The following SH2D1A variants were observed in gnomAD, a reference collection of about 807,000 sequenced individuals.
SH2D1A encodes SH2 domain-containing protein 1A.
A neutral mutation model predicts 10.1 loss-of-function variants in SH2D1A; 6 were observed. The observed-to-expected ratio is 0.60, with a 90% CI of 0.33 to 1.18. The LOEUF (loss-of-function observed/expected upper bound fraction) is 1.18, where lower values mean the gene tolerates loss of function less well. SH2D1A is among the 50% of genes most tolerant of loss of function. SH2D1A has a pLI of 0.04. For missense variants in SH2D1A, 51 were observed against 97.6 expected (o/e 0.52, Z 2.01); for synonymous variants, 42 against 36.9 (o/e 1.14, Z -0.51).
rs781411971 is a variant in SH2D1A at position 124,358,973 on chromosome X, T to C, written c.138-6788T>C. Among the ~76,000 whole-genome samples the C allele has an allele frequency of 4.5e-5, 5 of 111,571 alleles. No individual in the cohort carries two copies. In the East Asian group the frequency reaches 1.1e-3, roughly 25 times the overall value. On this transcript the variant is annotated intron_variant, in intron 1 of 3. Transcript: ENST00000371139. ...CTTGTATGACATATTATAGTAAGAG[T>C]TGACTACAGGGGATCCTTGGTCAGT... is the stretch of plus-strand genomic sequence containing the variant.
intron 2 of SH2D1A, among the ~76,000 whole-genome samples, 165 bp downstream of exon 2, chrX:124,365,989 A>G (rs182120726): frequency 3.0e-4 from 34 of 111,737 alleles, no homozygotes; most frequent in Non-Finnish European, 4.0e-4. Context: ...GCTTTAGAGA[A>G]TTTTGGTCCC....
At chrX:124,359,646 T>C (rs1161182894) in intron 1 of SH2D1A, among the ~76,000 whole-genome samples, 1 of 111,863 alleles carries the variant, frequency 8.9e-6, no homozygotes, top group Non-Finnish European at 1.9e-5. Context: ...AGATTTCAAG[T>C]GTTTAAAAAG....
In SH2D1A at chrX:124,372,325, T is replaced by A. The variant is rs2060071583; in HGVS notation, c.*934T>A. 1 of 170,894 alleles carries A rather than the reference T, an allele frequency of 5.9e-6. No homozygotes were observed. Among genetic ancestry groups the A allele is most frequent in the Admixed American group, 7.9e-5 (1 of 12,700 alleles). The allele number at this position is 170,894 out of a possible 1,213,427, so 14.1% of individuals were successfully genotyped here. On this transcript the variant is annotated 3_prime_UTR_variant, in exon 4 of 4. Transcript: ENST00000371139. ...ATGCGGCATTTTCTTCTCACATTTA[T>A]ATTTTTGTGATTTTGTGATTGATTA...
chrX:124,360,117 G>C (rs2147527738), intron 1 of SH2D1A, among the ~76,000 whole-genome samples: 1 of 110,886 alleles, frequency 9.0e-6, no homozygotes, highest in East Asian at 2.9e-4. Flanking sequence ...TGTTGGCCAG[G>C]CTAGTCTCGA....
intron 1 of SH2D1A, among the ~76,000 whole-genome samples, chrX:124,358,844 G>C (rs2060032516): frequency 8.9e-6 from 1 of 111,773 alleles, no homozygotes; most frequent in South Asian, 3.8e-4. Context: ...GATTTAACAG[G>C]TCTGGGTGGG....
intron 1 of SH2D1A, among the ~76,000 whole-genome samples, chrX:124,362,209 C>T (rs2060041677): frequency 8.9e-6 from 1 of 111,963 alleles, no homozygotes; most frequent in African/African-American, 3.2e-5. Flanking sequence ...AGTGCACAGG[C>T]CTGGAGGGTA....
Position 124,346,696 on chromosome X carries a change from G to T in SH2D1A, c.54G>T (p.Lys18Asn). The change falls in exon 1 of 4, where the codon AAG becomes AAT. Residue 18 changes from lysine to asparagine, a missense_variant. Coordinates refer to ENST00000371139, the MANE Select transcript of SH2D1A (RefSeq NM_002351.5). ...HGKISRETGE[K>N]LLLATGLDGS... is the part of the protein sequence containing the mutation. The stretch of plus-strand genomic sequence containing the variant: ...AAATCAGCAGGGAAACCGGCGAGAA[G>T]CTCCTGCTTGCCACTGGGCTGGATG... The T allele has an allele frequency of 8.3e-7, 1 of 1,211,668 alleles. No homozygotes were observed. Among genetic ancestry groups the T allele is most frequent in the Non-Finnish European group, 1.1e-6 (1 of 895,230 alleles).
chrX:124,361,746 T>C (rs895987347), intron 1 of SH2D1A, among the ~76,000 whole-genome samples: 1 of 112,031 alleles, frequency 8.9e-6, no homozygotes, highest in Non-Finnish European at 1.9e-5. Context: ...AGTAAAAAAA[T>C]TGACTTTTTA....
At chrX:124,370,698 CTTAGT>C (rs2060067264) in intron 3 of SH2D1A, among the ~76,000 whole-genome samples, 1 of 111,993 alleles carries the variant, frequency 8.9e-6, no homozygotes, top group African/African-American at 3.2e-5. Context: ...TTTATCTTTG[CTTAGT>C]AAACTGTTTT....
Position 124,372,961 on chromosome X carries a change from T to G in SH2D1A, c.*1570T>G. ...AATAAGTTGCATAGGTTTAATAATTTTTAATTATATGGCTTGAGTTTAAAT... is the reference window on the plus strand; with the variant it reads ...AATAAGTTGCATAGGTTTAATAATTGTTAATTATATGGCTTGAGTTTAAAT... On this transcript the variant is annotated 3_prime_UTR_variant, in exon 4 of 4. Coordinates refer to ENST00000371139, the MANE Select transcript of SH2D1A (RefSeq NM_002351.5). 6.4e-6 allele frequency: 1 copy of G among 157,337 alleles called. No individual in the cohort carries two copies. The highest frequency in any genetic ancestry group is 9.8e-5 in the East Asian group (1 of 10,169). The allele number at this position is 157,337 out of a possible 1,213,427, so 13.0% of individuals were successfully genotyped here.
intron 1 of SH2D1A, among the ~76,000 whole-genome samples, chrX:124,356,197 T>G (rs2060026084): frequency 1.8e-5 from 2 of 110,077 alleles, no homozygotes; most frequent in Admixed American, 9.7e-5. Flanking sequence ...AATGATCGTT[T>G]CCAGCTTCAT....
intron 1 of SH2D1A, among the ~76,000 whole-genome samples, chrX:124,350,831 G>T (rs2060011637): frequency 1.3e-4 from 1 of 7,913 alleles, no homozygotes; most frequent in Non-Finnish European, 1.7e-4. Flanking sequence ...ATTATATATT[G>T]TATATAAGAT....
chrX:124,367,285 A>G (rs1260845091), intron 2 of SH2D1A, among the ~76,000 whole-genome samples: 2 of 112,333 alleles, frequency 1.8e-5, no homozygotes, highest in African/African-American at 3.2e-5. Flanking sequence ...ATTTTTTTCT[A>G]TCTACTAAAT....
chrX:124,368,047 C>G, intron 2 of SH2D1A, among the ~76,000 whole-genome samples: 1 of 111,808 alleles, frequency 8.9e-6, no homozygotes, highest in East Asian at 2.8e-4. Context: ...ATCAGATCCC[C>G]AATTCAAATA....
chrX:124,354,293 G>A (rs1241952672), intron 1 of SH2D1A, among the ~76,000 whole-genome samples: 2 of 111,202 alleles, frequency 1.8e-5, no homozygotes, highest in Non-Finnish European at 3.8e-5. Flanking sequence ...CTTAAGCAAA[G>A]GGGGAGTCTG....
chrX:124,368,504 C>T (rs1005527179), intron 2 of SH2D1A, among the ~76,000 whole-genome samples: 1 of 112,089 alleles, frequency 8.9e-6, no homozygotes, highest in African/African-American at 3.2e-5. Flanking sequence ...GGTTTGAAAT[C>T]TTTCCACACT....
intron 1 of SH2D1A, among the ~76,000 whole-genome samples, chrX:124,361,970 T>C (rs1223912198): frequency 9.0e-6 from 1 of 111,724 alleles, no homozygotes; most frequent in Non-Finnish European, 1.9e-5. Context: ...GGCTGGACTA[T>C]CTGTCACTAC....
At chrX:124,368,226 C>T (rs749641913) in intron 2 of SH2D1A, among the ~76,000 whole-genome samples, 1 of 111,391 alleles carries the variant, frequency 9.0e-6, no homozygotes, top group South Asian at 3.9e-4. Context: ...TCTCGGCTCA[C>T]TGTAACCTCT....
At chrX:124,370,691 A>C (rs747717817) in intron 3 of SH2D1A, among the ~76,000 whole-genome samples, 23 of 112,043 alleles carry the variant, frequency 2.1e-4, no homozygotes, top group African/African-American at 6.1e-4. Flanking sequence ...GCTGTCCTTT[A>C]TCTTTGCTTA....
Sources: allele counts gnomAD v4.1 joint callset (sites outside exome capture counted in the v4.1 genomes callset), GRCh38; gene constraint gnomAD v4.1.1; transcripts MANE v1.5; gene names NCBI Gene and HGNC (gene_info 2026-07-23, HGNC 2026-07-21).